The following DSCAM variants were observed in gnomAD, a reference collection of about 807,000 sequenced individuals.
DSCAM encodes the protein cell adhesion molecule DSCAM.
Under a neutral mutation model 217.7 loss-of-function variants are expected in DSCAM, and 47 were observed. The observed-to-expected ratio is 0.22, with a 90% CI of 0.17 to 0.28. The LOEUF (loss-of-function observed/expected upper bound fraction) is 0.28. Among genes scored for constraint, DSCAM ranks in the 10% least tolerant of loss-of-function variants. DSCAM has a pLI of 1.00. For synonymous variants in DSCAM, 1,056 were observed against 1,015.3 expected, an observed-to-expected ratio of 1.04 and a Z score of -0.76; for missense variants, 2,080 against 2,618.3, an observed-to-expected ratio of 0.79 and a Z score of 4.49.
At chr21:40,569,657 T>C (rs546022133) in intron 3 of DSCAM, among the ~76,000 whole-genome samples, 75 of 152,330 alleles carry the variant, frequency 4.9e-4, no homozygotes, top group African/African-American at 1.8e-3. Flanking sequence ...ATCTGTCCCC[T>C]ATATAACTTA....
At chr21:40,383,321 A>T (rs1191774681) in intron 3 of DSCAM, 1 of 152,170 alleles carries the variant, frequency 6.6e-6, no homozygotes, top group East Asian at 1.9e-4. Flanking sequence ...ACACAGCAAG[A>T]CTCCCTCTAA....
chr21:40,068,140 T>C (rs1471147463), intron 27 of DSCAM, among the ~76,000 whole-genome samples: 2 of 152,008 alleles, frequency 1.3e-5, no homozygotes, highest in African/African-American at 4.8e-5. Context: ...TATTAAAATG[T>C]GGAAGGAAGG....
intron 1 of DSCAM, among the ~76,000 whole-genome samples, chr21:40,743,092 T>C (rs1299263880): frequency 6.6e-6 from 1 of 152,168 alleles, no homozygotes; most frequent in Non-Finnish European, 1.5e-5. Context: ...TCCACTCTAA[T>C]TGGAGCTCAG....
intron 3 of DSCAM, among the ~76,000 whole-genome samples, chr21:40,450,854 T>C (rs564138742): frequency 7.9e-5 from 12 of 152,360 alleles, no homozygotes; most frequent in East Asian, 1.9e-4. Context: ...CCAGTAACGA[T>C]TGAACAGTAC....
At chr21:40,375,140 G>A (rs1209784444) in intron 3 of DSCAM, among the ~76,000 whole-genome samples, 3 of 152,132 alleles carry the variant, frequency 2.0e-5, no homozygotes, top group Non-Finnish European at 4.4e-5. Flanking sequence ...TTATCTAACA[G>A]GAAGGCCCTC....
At chr21:40,815,957 C>A (rs1463450751) in intron 1 of DSCAM, among the ~76,000 whole-genome samples, 1 of 152,144 alleles carries the variant, frequency 6.6e-6, no homozygotes, top group Non-Finnish European at 1.5e-5. Flanking sequence ...CACCTGTCAC[C>A]ATTGTGGTTG....
intron 8 of DSCAM, among the ~76,000 whole-genome samples, chr21:40,318,402 C>G (rs542909037): frequency 6.6e-6 from 1 of 151,710 alleles, no homozygotes; most frequent in Non-Finnish European, 1.5e-5. Flanking sequence ...TTAATAATGA[C>G]GACATGGCAG....
intron 15 of DSCAM, among the ~76,000 whole-genome samples, chr21:40,170,321 C>G (rs1388514580): frequency 6.6e-6 from 1 of 152,216 alleles, no homozygotes; most frequent in Non-Finnish European, 1.5e-5. Context: ...ACCCAGCAGA[C>G]TCTACATGGC....
intron 2 of DSCAM, among the ~76,000 whole-genome samples, chr21:40,705,279 T>A (rs531725236): frequency 3.7e-4 from 56 of 152,336 alleles, no homozygotes; most frequent in African/African-American, 1.3e-3. Context: ...ATTTTGATAT[T>A]CTTTATCCCA....
intron 18 of DSCAM, among the ~76,000 whole-genome samples, chr21:40,139,957 G>C (rs1308011633): frequency 6.6e-6 from 1 of 151,180 alleles, no homozygotes; most frequent in East Asian, 1.9e-4. Context: ...TGTGATGTTT[G>C]TGAGGTGTGT....
At chr21:40,708,943 T>A (rs1359252373) in intron 1 of DSCAM, among the ~76,000 whole-genome samples, 172 bp from the exon 2 acceptor site, 2 of 152,200 alleles carry the variant, frequency 1.3e-5, no homozygotes, top group Non-Finnish European at 2.9e-5. Flanking sequence ...AGGCTGATAC[T>A]AAAAAATAAG....
intron 15 of DSCAM, among the ~76,000 whole-genome samples, chr21:40,173,869 A>G (rs1479703955): frequency 6.6e-6 from 1 of 152,190 alleles, no homozygotes; most frequent in Non-Finnish European, 1.5e-5. Flanking sequence ...TGGTCTGTCA[A>G]ATTCAGTGGT....
intron 1 of DSCAM, among the ~76,000 whole-genome samples, chr21:40,845,294 T>C (rs2092134911): frequency 6.6e-6 from 1 of 152,232 alleles, no homozygotes; most frequent in South Asian, 2.1e-4. Flanking sequence ...TTCTTTCAAC[T>C]CTACCTTTTC....
chr21:40,061,025 CT>C (rs2089110957), intron 28 of DSCAM, among the ~76,000 whole-genome samples: 1 of 152,206 alleles, frequency 6.6e-6, no homozygotes, highest in South Asian at 2.1e-4. Context: ...GAAGGAGATA[CT>C]GTACAGGGAA....
chr21:40,671,586 G>A (rs2090275037), intron 3 of DSCAM, among the ~76,000 whole-genome samples: 1 of 151,720 alleles, frequency 6.6e-6, no homozygotes, highest in Non-Finnish European at 1.5e-5. Context: ...CTACTTGGGA[G>A]GCTGAGGCAA....
intron 1 of DSCAM, among the ~76,000 whole-genome samples, chr21:40,777,728 A>C (rs2091501591): frequency 6.6e-6 from 1 of 152,330 alleles, no homozygotes; most frequent in African/African-American, 2.4e-5. Flanking sequence ...AAAATCATTA[A>C]AAAGATACAA....
intron 3 of DSCAM, among the ~76,000 whole-genome samples, chr21:40,466,376 C>T (rs538207757): frequency 4.6e-5 from 7 of 152,190 alleles, no homozygotes; most frequent in Admixed American, 1.3e-4. Flanking sequence ...TGTTGATCCA[C>T]GTAGCCCCAG....
intron 21 of DSCAM, among the ~76,000 whole-genome samples, chr21:40,091,538 C>G (rs1226596528): frequency 1.3e-5 from 2 of 152,044 alleles, no homozygotes; most frequent in African/African-American, 2.4e-5. Flanking sequence ...AGGTGAGGTC[C>G]TCTCACACTA....
Position 40,161,412 on chromosome 21 carries a change from G to T in DSCAM, c.3018+5806C>A, listed in dbSNP as rs566171299. ...CCTAGGGCTTTCTAGAAAGTCCACA[G>T]TTTTTTTTTTAAAAGCACCACCTCT... On this transcript the variant is annotated intron_variant, in intron 16 of 32. Coordinates refer to ENST00000400454, the MANE Select transcript of DSCAM (RefSeq NM_001389.5). 4.8e-3 allele frequency among the ~76,000 whole-genome samples: 677 copies of T among 140,680 alleles called. 3 individuals carry two copies. The highest frequency in any genetic ancestry group is 0.015 in the Middle Eastern group (4 of 268). The allele number at this position is 140,680 out of a possible 152,430, so 92.3% of individuals were successfully genotyped here. A position where few individuals can be genotyped will look rare whatever the true frequency, so the allele number is the denominator to read the frequency against.
Sources: gnomAD v4.1 joint callset for allele counts (sites outside exome capture counted in the v4.1 genomes callset) on GRCh38, gnomAD v4.1.1 for gene constraint, MANE v1.5 for transcripts, NCBI Gene and HGNC (gene_info 2026-07-23, HGNC 2026-07-21) for gene names.